The following ARHGAP12 variants were observed in gnomAD, a reference collection of about 807,000 sequenced individuals.
ARHGAP12 encodes the protein rho GTPase-activating protein 12.
A neutral mutation model predicts 108.6 loss-of-function variants in ARHGAP12; 64 were observed. The observed-to-expected ratio is 0.59, with a 90% CI of 0.48 to 0.73. The LOEUF is 0.73. Ranked by LOEUF, ARHGAP12 falls within the 30% of genes least tolerant of loss-of-function variation. ARHGAP12 has a pLI of 0.00. For missense variants in ARHGAP12, 940 were observed against 1,005.9 expected (o/e 0.93, Z 0.89); for synonymous variants, 312 against 337.2 (o/e 0.93, Z 0.82).
Position 31,840,175 on chromosome 10 carries a change from T to C in ARHGAP12, c.1297-464A>G, listed in dbSNP as rs188510681. On this transcript the variant is annotated intron_variant, in intron 7 of 19. Transcript: ENST00000344936. ...AGAATTTAATTTTAGTCAAAAGCTA[T>C]ATAAGAAATTAAATTGCTATTAGTA... 2.2e-3 allele frequency among the ~76,000 whole-genome samples: 333 copies of C among 152,186 alleles called. 2 individuals carry two copies. Among genetic ancestry groups the C allele is most frequent in the Middle Eastern group, 6.8e-3 (2 of 294 alleles).
At chr10:31,883,773 G>A (rs1370809009) in intron 3 of ARHGAP12, among the ~76,000 whole-genome samples, 1 of 150,416 alleles carries the variant, frequency 6.6e-6, no homozygotes, top group African/African-American at 2.5e-5. Context: ...GTTCAGTGGC[G>A]TGATCTCAGC....
At chr10:31,888,626 CT>C (rs1838275943) in intron 3 of ARHGAP12, among the ~76,000 whole-genome samples, 1 of 152,202 alleles carries the variant, frequency 6.6e-6, no homozygotes, top group Admixed American at 6.5e-5. Flanking sequence ...CCCTCCTGGA[CT>C]TTGGTCTCAT....
chr10:31,847,609 TC>T, intron 6 of ARHGAP12, among the ~76,000 whole-genome samples: 1 of 152,212 alleles, frequency 6.6e-6, no homozygotes, highest in South Asian at 2.1e-4. Flanking sequence ...TTCCTTCCTC[TC>T]CATAATCCTC....
At chr10:31,836,621 T>C (rs1288299397) in intron 9 of ARHGAP12, among the ~76,000 whole-genome samples, 1 of 152,166 alleles carries the variant, frequency 6.6e-6, no homozygotes, top group African/African-American at 2.4e-5. Flanking sequence ...CATTTCCACT[T>C]CTAAATTTGC....
intron 1 of ARHGAP12, among the ~76,000 whole-genome samples, chr10:31,928,021 A>G (rs1840122727): frequency 6.6e-6 from 1 of 152,148 alleles, no homozygotes; most frequent in African/African-American, 2.4e-5. Flanking sequence ...AAAGACCGCA[A>G]AGAAGAAAGT....
chr10:31,821,183 T>C (rs186106306), intron 11 of ARHGAP12, among the ~76,000 whole-genome samples: 11 of 152,244 alleles, frequency 7.2e-5, no homozygotes, highest in Non-Finnish European at 1.0e-4. Context: ...AAACTGTAAC[T>C]AGAGACAGAT....
chr10:31,859,876 T>C (rs193265732), intron 4 of ARHGAP12, among the ~76,000 whole-genome samples: 4 of 151,624 alleles, frequency 2.6e-5, no homozygotes, highest in African/African-American at 9.7e-5. Flanking sequence ...CTCACTGCAG[T>C]CTCCACCTCC....
Position 31,810,699 on chromosome 10 carries a change from C to T in ARHGAP12, c.2000G>A (p.Gly667Asp). 6.2e-7 allele frequency: 1 copy of T among 1,608,610 alleles called. No individual in the cohort carries two copies. Among genetic ancestry groups the T allele is most frequent in the Non-Finnish European group, 8.5e-7 (1 of 1,177,720 alleles). ...NLANLCQREN[G>D]TVPKFVKLCI... ...TAACTTCACAAACTTTGGTACTGTG[C>T]CATTCTCTCTCTGACACAGATTAGC... The change falls in exon 16 of 20, where the codon GGC becomes GAC. Residue 667 changes from glycine (G) to aspartate (D), a missense_variant. Transcript: ENST00000344936.
chr10:31,888,005 C>G (rs1369683356), intron 3 of ARHGAP12, among the ~76,000 whole-genome samples: 2 of 152,102 alleles, frequency 1.3e-5, no homozygotes, highest in South Asian at 2.1e-4. Flanking sequence ...CTCACAAAGT[C>G]TGGATCTTCA....
chr10:31,866,653 T>C (rs1359337070), intron 3 of ARHGAP12, among the ~76,000 whole-genome samples: 1 of 152,118 alleles, frequency 6.6e-6, no homozygotes, highest in Non-Finnish European at 1.5e-5. Context: ...TTCGCTCTTG[T>C]TGCCCAGGCT....
chr10:31,830,820 A>G (rs1342932907), intron 10 of ARHGAP12, among the ~76,000 whole-genome samples: 2 of 152,232 alleles, frequency 1.3e-5, no homozygotes, highest in Admixed American at 1.3e-4. Context: ...ACTGTAACCT[A>G]TTAAAAAGGA....
chr10:31,916,079 A>T (rs900020660), intron 1 of ARHGAP12, among the ~76,000 whole-genome samples: 1 of 152,146 alleles, frequency 6.6e-6, no homozygotes, highest in Non-Finnish European at 1.5e-5. Context: ...TTGCTCAATC[A>T]AATACAACGC....
intron 19 of ARHGAP12, chr10:31,808,374 T>C (rs1834897986): frequency 4.2e-6 from 1 of 239,674 alleles, no homozygotes; most frequent in East Asian, 9.7e-5. Flanking sequence ...AATCTCATCT[T>C]CATATTAACC....
At chr10:31,874,647 T>G (rs1464555160) in intron 3 of ARHGAP12, among the ~76,000 whole-genome samples, 1 of 151,928 alleles carries the variant, frequency 6.6e-6, no homozygotes, top group African/African-American at 2.4e-5. Context: ...AATAGGTAGT[T>G]AGACACACAT....
At chr10:31,917,528 G>A (rs909757638) in intron 1 of ARHGAP12, among the ~76,000 whole-genome samples, 1 of 152,116 alleles carries the variant, frequency 6.6e-6, no homozygotes, top group African/African-American at 2.4e-5. Flanking sequence ...TGGCTACCCA[G>A]GTATCTTCTC....
intron 10 of ARHGAP12, among the ~76,000 whole-genome samples, chr10:31,828,301 T>C (rs921464586): frequency 3.9e-5 from 6 of 152,126 alleles, no homozygotes; most frequent in Non-Finnish European, 7.4e-5. Context: ...TTTTTATGCT[T>C]CAGTCTGAGC....
intron 10 of ARHGAP12, chr10:31,826,655 C>T (rs150992193): frequency 3.7e-5 from 12 of 320,850 alleles, no homozygotes; most frequent in Middle Eastern, 8.4e-4. Flanking sequence ...ATTATGTTCA[C>T]GTGAAATTAA....
At chr10:31,871,708 G>A (rs1837549001) in intron 3 of ARHGAP12, among the ~76,000 whole-genome samples, 1 of 152,056 alleles carries the variant, frequency 6.6e-6, no homozygotes, top group South Asian at 2.1e-4. Flanking sequence ...TGCAGCAATC[G>A]TGCCATGCTA....
chr10:31,816,173 G>C (rs1960405849), intron 13 of ARHGAP12, among the ~76,000 whole-genome samples: 1 of 122,560 alleles, frequency 8.2e-6, no homozygotes, highest in South Asian at 2.3e-4. Flanking sequence ...AGAAACGTGT[G>C]TGTGTGTGTG....
Sources: allele counts gnomAD v4.1 joint callset (sites outside exome capture counted in the v4.1 genomes callset), GRCh38; gene constraint gnomAD v4.1.1; transcripts MANE v1.5; gene names NCBI Gene and HGNC (gene_info 2026-07-23, HGNC 2026-07-21).